Variants in MED12L observed in about 807,000 individuals in gnomAD.
MED12L encodes the protein mediator complex subunit 12L, also known as mediator of RNA polymerase II transcription subunit 12-like protein.
MED12L carries 60 observed loss-of-function variants against 281.3 expected under a neutral mutation model. The ratio of observed to expected loss-of-function variants is 0.21; its 90% CI spans 0.17 to 0.26. The LOEUF is 0.26. MED12L is among the 10% of genes least tolerant of loss of function. The pLI, the probability that MED12L is intolerant of heterozygous loss-of-function variation, is 1.00. For missense variants in MED12L, 2,146 were observed against 2,680.9 expected (o/e 0.80, Z 4.41); for synonymous variants, 974 against 987.2 (o/e 0.99, Z 0.25).
chr3:151,417,476 TC>T (rs796227072), intron 43 of MED12L, among the ~76,000 whole-genome samples: 25 of 29,508 alleles, frequency 8.5e-4, no homozygotes, highest in Admixed American at 2.4e-3. Context: ...CTCCCCCAGC[TC>T]CCCCCCCGCC....
At chr3:151,102,631 A>G (rs1392022514) in intron 2 of MED12L, among the ~76,000 whole-genome samples, 1 of 152,044 alleles carries the variant, frequency 6.6e-6, no homozygotes, top group East Asian at 1.9e-4. Context: ...CATGCTGGCT[A>G]ATTTTTATTT....
At chr3:151,119,153 T>G (rs534374015) in intron 3 of MED12L, among the ~76,000 whole-genome samples, 8 of 152,350 alleles carry the variant, frequency 5.3e-5, no homozygotes, top group African/African-American at 1.9e-4. Flanking sequence ...TATACAGCAG[T>G]TAGTCTGTTG....
chr3:151,413,039 C>A, intron 41 of MED12L, 100 bp from the exon 42 acceptor site: 2 of 1,359,032 alleles, frequency 1.5e-6, no homozygotes, highest in Non-Finnish European at 2.0e-6. Context: ...TTATTGAGCA[C>A]TGATTGTTTC....
chr3:151,197,426 G>T (rs1349098962), intron 16 of MED12L, among the ~76,000 whole-genome samples: 2 of 152,156 alleles, frequency 1.3e-5, no homozygotes, highest in Non-Finnish European at 2.9e-5. Context: ...CTCCCAAAGT[G>T]TGTGAGCCAC....
At chr3:151,222,002 C>A (rs1162422048) in intron 16 of MED12L, among the ~76,000 whole-genome samples, 10 of 152,232 alleles carry the variant, frequency 6.6e-5, no homozygotes, top group African/African-American at 2.4e-4. Flanking sequence ...ACCATGGGAA[C>A]CCACCTCTTG....
intron 27 of MED12L, among the ~76,000 whole-genome samples, chr3:151,374,327 C>T (rs1454095997): frequency 6.6e-6 from 1 of 152,092 alleles, no homozygotes; most frequent in East Asian, 1.9e-4. Flanking sequence ...GCAGGTGGAT[C>T]ACTTGAGGCC....
At chr3:151,354,911 G>A (rs1422894551) in intron 17 of MED12L, among the ~76,000 whole-genome samples, 1 of 152,128 alleles carries the variant, frequency 6.6e-6, no homozygotes, top group African/African-American at 2.4e-5. Context: ...CTCCTAGGGA[G>A]GGAGACATGC....
intron 16 of MED12L, chr3:151,213,408 C>T: frequency 1.2e-6 from 2 of 1,614,006 alleles, no homozygotes; most frequent in African/African-American, 2.7e-5. Flanking sequence ...ATAAGATTTC[C>T]CTAAACGGCT....
chr3:151,308,487 A>G (rs534359558), intron 16 of MED12L, among the ~76,000 whole-genome samples: 1 of 152,290 alleles, frequency 6.6e-6, no homozygotes, highest in African/African-American at 2.4e-5. Flanking sequence ...TTTTAAATGA[A>G]TATGTTCTAA....
At chr3:151,329,135 C>T in intron 16 of MED12L, 1 of 663,670 alleles carries the variant, frequency 1.5e-6, no homozygotes, top group Non-Finnish European at 2.5e-6. Context: ...CCAACACTTT[C>T]AATAGATGTG....
Position 151,434,918 on chromosome 3 carries a change from A to AGTT in MED12L, c.*2115_*2117dup, listed in dbSNP as rs1264323378. 6.6e-6 allele frequency: 1 copy of AGTT among 152,208 alleles called. No individual in the cohort carries two copies. Among genetic ancestry groups the AGTT allele is most frequent in the Admixed American group, 6.5e-5 (1 of 15,274 alleles). The allele number at this position is 152,208 out of a possible 1,614,324, so 9.4% of individuals were successfully genotyped here. On this transcript the variant is annotated 3_prime_UTR_variant, in exon 45 of 45. Coordinates refer to ENST00000687756, the MANE Select transcript of MED12L (RefSeq NM_001393769.1). The stretch of plus-strand genomic sequence containing the variant: ...TCTTTTTTCTTTTTTTAGGTGAGGA[A>AGTT]GTTATGCTACGACTCTAATTAATTC...
chr3:151,139,333 G>T (rs1386089491), intron 5 of MED12L, among the ~76,000 whole-genome samples: 2 of 152,198 alleles, frequency 1.3e-5, no homozygotes, highest in Non-Finnish European at 2.9e-5. Context: ...AGTGGTATTA[G>T]AAACCAAGAG....
At chr3:151,247,022 C>CA (rs1735695346) in intron 16 of MED12L, among the ~76,000 whole-genome samples, 1 of 151,068 alleles carries the variant, frequency 6.6e-6, no homozygotes, top group Admixed American at 6.6e-5. Flanking sequence ...TGAAAAAATC[C>CA]TCACTGGCAT....
At chr3:151,172,035 T>C (rs1464542905) in intron 11 of MED12L, among the ~76,000 whole-genome samples, 4 of 152,164 alleles carry the variant, frequency 2.6e-5, no homozygotes, top group South Asian at 2.1e-4. Context: ...CTATAAGATT[T>C]GGCTTGGAAA....
chr3:151,200,792 C>T (rs1474467711), intron 16 of MED12L: 3 of 152,200 alleles, frequency 2.0e-5, no homozygotes, highest in African/African-American at 7.2e-5. Context: ...TTGTATCTGG[C>T]ACTATGCCAA....
chr3:151,380,956 A>G (rs1712217576), intron 32 of MED12L, among the ~76,000 whole-genome samples: 1 of 152,206 alleles, frequency 6.6e-6, no homozygotes. Context: ...ATTGATGCCA[A>G]CCAAGTACAC....
chr3:151,256,842 GAC>G (rs1413435314), intron 16 of MED12L, among the ~76,000 whole-genome samples: 1 of 145,914 alleles, frequency 6.9e-6, no homozygotes, highest in Non-Finnish European at 1.5e-5. Flanking sequence ...GGTGGGAAAT[GAC>G]AGAGGTTTTT....
chr3:151,239,961 G>C (rs918497818), intron 16 of MED12L, among the ~76,000 whole-genome samples: 1 of 151,876 alleles, frequency 6.6e-6, no homozygotes, highest in African/African-American at 2.4e-5. Flanking sequence ...TTGTTTTCTT[G>C]AGCATTTTTA....
At chr3:151,325,443 A>G (rs1749481258) in intron 16 of MED12L, among the ~76,000 whole-genome samples, 1 of 152,140 alleles carries the variant, frequency 6.6e-6, no homozygotes, top group Non-Finnish European at 1.5e-5. Flanking sequence ...TTTTTGGTGT[A>G]TCATTTATGA....
Sources: allele counts gnomAD v4.1 joint callset (sites outside exome capture counted in the v4.1 genomes callset), GRCh38; gene constraint gnomAD v4.1.1; transcripts MANE v1.5; gene names NCBI Gene and HGNC (gene_info 2026-07-23, HGNC 2026-07-21).